The following FNDC3A variants were observed in gnomAD, a reference collection of about 807,000 sequenced individuals.
FNDC3A encodes fibronectin type-III domain-containing protein 3A.
Under a neutral mutation model 148.9 loss-of-function variants are expected in FNDC3A, and 32 were observed. That is an observed-to-expected ratio of 0.21 (90% CI 0.16 to 0.29). FNDC3A has a LOEUF of 0.29. Ranked by LOEUF, FNDC3A falls within the 10% of genes least tolerant of loss-of-function variation. The probability of loss-of-function intolerance (pLI) is 1.00; values close to 1 mark genes in which losing one functional copy is unlikely to be tolerated. For missense variants in FNDC3A, 1,191 were observed against 1,452.8 expected, an observed-to-expected ratio of 0.82 and a Z score of 2.93; for synonymous variants, 472 against 473.6, an observed-to-expected ratio of 1.00 and a Z score of 0.04.
In FNDC3A at chr13:49,207,150, G is replaced by A. The variant is rs746376183; in HGVS notation, c.3352G>A (p.Val1118Ile). Residue 1118 changes from valine (V) to isoleucine (I), a missense_variant, in exon 26 of 26, where the codon GTA becomes ATA. Physicochemically the swap from Val to Ile is conservative, Grantham distance 29. Coordinates refer to ENST00000492622, the MANE Select transcript of FNDC3A (RefSeq NM_001079673.2). ...GCTGAACTGTGAATATCGCTTCCGT[G>A]TATGTGCCATTCGCCAGTGCCAAGA... ...LQLNCEYRFR[V>I]CAIRQCQDSL... 3.1e-6 allele frequency: 5 copies of A among 1,614,160 alleles called. No homozygotes were observed. The highest frequency in any genetic ancestry group is 4.2e-6 in the Non-Finnish European group (5 of 1,180,012).
Position 49,136,369 on chromosome 13 carries a change from T to A in FNDC3A, c.528T>A (p.Asp176Glu). The change falls in exon 6 of 26, where the codon GAT becomes GAA. Residue 176 changes from aspartate (D) to glutamate (E), a missense_variant. By Grantham distance (45) the Asp-to-Glu change is conservative. Transcript: ENST00000492622. Reference protein sequence around the residue: ...HSTHGRSNFRDERSSKTYERL... With the variant: ...HSTHGRSNFREERSSKTYERL... ...CACATGGAAGGTCCAACTTTAGAGA[T>A]GAACGATCTAGTAAAACATATGAAC... 6.2e-7 allele frequency: 1 copy of A among 1,614,158 alleles called. No individual in the cohort carries two copies. The highest frequency in any genetic ancestry group is 8.5e-7 in the Non-Finnish European group (1 of 1,179,986).
chr13:49,144,013 G>GCTA (rs1236746605), intron 7 of FNDC3A, among the ~76,000 whole-genome samples: 73 of 142,148 alleles, frequency 5.1e-4, no homozygotes, highest in African/African-American at 9.4e-4. Context: ...TACTACTACT[G>GCTA]CTACTACTAC....
chr13:49,105,665 A>C (rs1880129036), intron 3 of FNDC3A, among the ~76,000 whole-genome samples: 1 of 152,212 alleles, frequency 6.6e-6, no homozygotes, highest in Non-Finnish European at 1.5e-5. Flanking sequence ...ATCCCCAAAT[A>C]CGCTTCATCC....
chr13:49,134,049 T>G (rs1230349104), intron 5 of FNDC3A, among the ~76,000 whole-genome samples: 1 of 152,242 alleles, frequency 6.6e-6, no homozygotes, highest in African/African-American at 2.4e-5. Flanking sequence ...ATATATTTAC[T>G]TTATTGTGCA....
chr13:49,096,252 C>T (rs897378732), intron 3 of FNDC3A, among the ~76,000 whole-genome samples: 6 of 152,028 alleles, frequency 3.9e-5, no homozygotes, highest in Non-Finnish European at 8.8e-5. Flanking sequence ...ATGTTATTTT[C>T]TCTATGGCTC....
chr13:49,080,241 T>A (rs1878381998), intron 3 of FNDC3A, among the ~76,000 whole-genome samples: 1 of 152,244 alleles, frequency 6.6e-6, no homozygotes, highest in Admixed American at 6.5e-5. Context: ...CTGTCTTCCC[T>A]TAGTTCTTTA....
chr13:49,154,193 A>C (rs1156479497), intron 8 of FNDC3A, among the ~76,000 whole-genome samples: 22 of 149,978 alleles, frequency 1.5e-4, no homozygotes, highest in African/African-American at 4.7e-4. Flanking sequence ...CTTTTATCTC[A>C]TTGAGCAGTG....
chr13:49,181,879 G>A (rs1226193533), intron 14 of FNDC3A, among the ~76,000 whole-genome samples: 1 of 151,714 alleles, frequency 6.6e-6, no homozygotes, highest in Non-Finnish European at 1.5e-5. Flanking sequence ...TAGAGCTCTA[G>A]GTTCTACACT....
At chr13:49,201,089 G>T in intron 23 of FNDC3A, 1 of 236,492 alleles carries the variant, frequency 4.2e-6, no homozygotes, top group Non-Finnish European at 8.7e-6. Flanking sequence ...TGTTAGCATT[G>T]AATAAGCATT....
intron 2 of FNDC3A, among the ~76,000 whole-genome samples, chr13:49,060,643 CAAAAAAAA>C (rs35534890): frequency 1.7e-5 from 1 of 59,716 alleles, no homozygotes; most frequent in Non-Finnish European, 3.0e-5. Context: ...GACTCGGTCT[CAAAAAAAA>C]AAAAAAAAAA....
intron 4 of FNDC3A, among the ~76,000 whole-genome samples, chr13:49,126,110 A>G (rs1881677966): frequency 6.6e-6 from 1 of 152,038 alleles, no homozygotes. Context: ...ATTTCTTAGC[A>G]CCTAAGCCTC....
intron 2 of FNDC3A, among the ~76,000 whole-genome samples, chr13:49,018,309 T>TC (rs779414008): frequency 1.4e-4 from 21 of 152,226 alleles, no homozygotes; most frequent in Non-Finnish European, 2.4e-4. Context: ...TTCTTTTTAT[T>TC]CTTTTTTCTC....
At chr13:49,138,863 C>G in intron 7 of FNDC3A, 58 bp downstream of exon 7, 1 of 915,480 alleles carries the variant, frequency 1.1e-6, no homozygotes, top group Non-Finnish European at 1.7e-6. Context: ...ATAAGATGTT[C>G]ATCCATCAAA....
chr13:49,172,044 C>T lies in FNDC3A; in HGVS notation c.1178C>T (p.Ala393Val), dbSNP rs767890755. 2 of 1,602,242 alleles carry T rather than the reference C, an allele frequency of 1.2e-6. No homozygotes were observed. Among genetic ancestry groups the T allele is most frequent in the African/African-American group, 1.3e-5 (1 of 74,410 alleles). The change falls in exon 11 of 26, where the codon GCA (alanine) becomes GTA (valine). Residue 393 changes from alanine to valine, a missense_variant and splice_region_variant. Ala to Val is a moderately conservative substitution (Grantham distance 64). This residue lies in a region of FNDC3A where 14 missense variants were observed against 35.5 expected (regional missense o/e 0.39). Coordinates refer to ENST00000492622, the MANE Select transcript of FNDC3A (RefSeq NM_001079673.2). Reference sequence around the variant, plus strand: ...TTTGTTTTTTGGTGTTGGTTTTAGGCACCTAGTGACAATGGTTCTAAAATC... The same window carrying T: ...TTTGTTTTTTGGTGTTGGTTTTAGGTACCTAGTGACAATGGTTCTAAAATC... ...TKNSLTLQWK[A>V]PSDNGSKIQN...
At position 49,020,735 on chromosome 13, in the gene FNDC3A, AT is replaced by A. The variant is rs549960100; in HGVS notation, c.99+14448del. The stretch of plus-strand genomic sequence containing the variant: ...GTTCAGACACTGAGGCAAGTAATGC[AT>A]TATTTCATTTAATCTTCATAACAGT... On this transcript the variant is annotated intron_variant, in intron 2 of 25. Coordinates refer to ENST00000492622, the MANE Select transcript of FNDC3A (RefSeq NM_001079673.2). 8.5e-5 allele frequency among the ~76,000 whole-genome samples: 13 copies of A among 152,360 alleles called. No homozygotes were observed. In the South Asian group the frequency reaches 2.3e-3, roughly 27 times the overall value.
intron 3 of FNDC3A, among the ~76,000 whole-genome samples, chr13:49,108,572 GA>G (rs913125071): frequency 7.4e-4 from 112 of 152,190 alleles, no homozygotes; most frequent in Admixed American, 1.6e-3. Flanking sequence ...ATTTATAATG[GA>G]AAAAAACTTT....
intron 8 of FNDC3A, among the ~76,000 whole-genome samples, chr13:49,152,328 T>C (rs1406162152): frequency 1.3e-5 from 2 of 152,224 alleles, no homozygotes; most frequent in East Asian, 3.8e-4. Flanking sequence ...TGATGACCAG[T>C]GATGATGAGC....
At chr13:49,204,956 AT>A (rs558017786) in intron 25 of FNDC3A, among the ~76,000 whole-genome samples, 8 of 151,758 alleles carry the variant, frequency 5.3e-5, no homozygotes, top group African/African-American at 1.5e-4. Context: ...TCTTAGATGA[AT>A]TTTTTTTTCC....
chr13:49,183,026 C>T (rs1281644649), intron 14 of FNDC3A, among the ~76,000 whole-genome samples: 2 of 152,114 alleles, frequency 1.3e-5, no homozygotes, highest in Non-Finnish European at 2.9e-5. Flanking sequence ...AACACCTTTC[C>T]CTCTAAGAAA....
Sources: gnomAD v4.1 joint callset for allele counts (sites outside exome capture counted in the v4.1 genomes callset) on GRCh38, gnomAD v4.1.1 for gene constraint, gnomAD v4.1.1 regional missense constraint, MANE v1.5 for transcripts, NCBI Gene and HGNC (gene_info 2026-07-23, HGNC 2026-07-21) for gene names.